Variants in ADGRB1 observed in about 807,000 individuals in gnomAD.
The protein encoded by ADGRB1 is brain-specific angiogenesis inhibitor 1.
ADGRB1 carries 36 observed loss-of-function variants against 175.7 expected under a neutral mutation model. The observed-to-expected ratio is 0.20, with a 90% confidence interval of 0.16 to 0.27. The LOEUF is 0.27. ADGRB1 is among the 10% of genes least tolerant of loss of function. ADGRB1 has a pLI of 1.00. For missense variants in ADGRB1, 1,731 were observed against 2,255.3 expected (o/e 0.77, Z 4.71); for synonymous variants, 1,054 against 979.4 (o/e 1.08, Z -1.42).
chr8:142,513,265 G>T (rs180776388), intron 18 of ADGRB1, among the ~76,000 whole-genome samples: 2 of 152,174 alleles, frequency 1.3e-5, no homozygotes, highest in Non-Finnish European at 2.9e-5. Flanking sequence ...TGGCTCTGCC[G>T]CAAGGGCAGA....
intron 1 of ADGRB1, among the ~76,000 whole-genome samples, chr8:142,454,291 G>A (rs976177035): frequency 6.6e-6 from 1 of 152,198 alleles, no homozygotes; most frequent in Admixed American, 6.5e-5. Flanking sequence ...ACACACCCCG[G>A]TGTGAGGTGC....
intron 10 of ADGRB1, 44 bp downstream of exon 10, chr8:142,481,404 C>A: frequency 6.2e-7 from 1 of 1,607,354 alleles, no homozygotes; most frequent in Non-Finnish European, 8.5e-7. Flanking sequence ...CCCCAATCAC[C>A]CTGGCCACAC....
chr8:142,476,524 C>A, intron 3 of ADGRB1, 61 bp from the exon 4 acceptor site: 1 of 1,463,624 alleles, frequency 6.8e-7, no homozygotes, highest in South Asian at 1.2e-5. Context: ...GCACTGTGGC[C>A]ACAGAGAGAG....
At chr8:142,468,223 TGTGC>T (rs963974342) in intron 2 of ADGRB1, among the ~76,000 whole-genome samples, 14 of 151,448 alleles carry the variant, frequency 9.2e-5, no homozygotes, top group Non-Finnish European at 1.8e-4. Context: ...TGTGTGTGTG[TGTGC>T]GTGTGCAGTA....
intron 17 of ADGRB1, among the ~76,000 whole-genome samples, chr8:142,505,089 C>T (rs905429533): frequency 6.6e-6 from 1 of 152,084 alleles, no homozygotes; most frequent in Non-Finnish European, 1.5e-5. Context: ...GCTCTTAGAG[C>T]GCCCTCCCCG....
At chr8:142,528,700 G>A (rs1482008839) in intron 24 of ADGRB1, among the ~76,000 whole-genome samples, 1 of 152,088 alleles carries the variant, frequency 6.6e-6, no homozygotes, top group African/African-American at 2.4e-5. Context: ...TCCGCGCTCT[G>A]AGTCACCTTC....
intron 1 of ADGRB1, among the ~76,000 whole-genome samples, chr8:142,463,105 C>G (rs984611183): frequency 7.2e-5 from 11 of 152,198 alleles, no homozygotes; most frequent in African/African-American, 2.7e-4. Flanking sequence ...TCTCAGTTTT[C>G]CCATCATGAA....
chr8:142,465,525 A>G (rs1840228381), intron 2 of ADGRB1, among the ~76,000 whole-genome samples: 1 of 151,766 alleles, frequency 6.6e-6, no homozygotes, highest in Non-Finnish European at 1.5e-5. Flanking sequence ...CGGGTTGAGT[A>G]TGCTCTCGGT....
chr8:142,469,674 CGTGAATGTGT>C (rs1230404359), intron 2 of ADGRB1, among the ~76,000 whole-genome samples: 3 of 147,344 alleles, frequency 2.0e-5, no homozygotes, highest in Non-Finnish European at 3.0e-5. Context: ...TGTGTGTGCA[CGTGAATGTGT>C]GTGAATGTGT....
chr8:142,451,683 C>A (rs1839359340), intron 1 of ADGRB1, among the ~76,000 whole-genome samples: 1 of 152,142 alleles, frequency 6.6e-6, no homozygotes, highest in African/African-American at 2.4e-5. Context: ...GGAGCGAGAG[C>A]CGCCGCGGGG....
chr8:142,460,003 C>T (rs966422371), intron 1 of ADGRB1, among the ~76,000 whole-genome samples: 1 of 152,262 alleles, frequency 6.6e-6, no homozygotes, highest in Non-Finnish European at 1.5e-5. Flanking sequence ...ACGCCCCACC[C>T]CATCTCAGCT....
At chr8:142,506,724 A>G (rs1482999420) in intron 17 of ADGRB1, among the ~76,000 whole-genome samples, 1 of 152,134 alleles carries the variant, frequency 6.6e-6, no homozygotes, top group Non-Finnish European at 1.5e-5. Flanking sequence ...TGCGTCCCAG[A>G]GATTTTGTTG....
chr8:142,527,938 C>T (rs567523122), intron 24 of ADGRB1, among the ~76,000 whole-genome samples: 2 of 152,340 alleles, frequency 1.3e-5, no homozygotes, highest in East Asian at 1.9e-4. Context: ...TAGAACTAAG[C>T]CCAGGCGGCC....
rs547343615 is a variant in ADGRB1 at position 142,488,134 on chromosome 8, G to A, written c.2309-230G>A. On this transcript the variant is annotated intron_variant, in intron 13 of 30. Coordinates refer to ENST00000517894, the MANE Select transcript of ADGRB1 (RefSeq NM_001702.3). ...GCTCCAATTCAGCAGGACCAGGACC[G>A]GCCCAGCCTCTGCCTGGTGCTCCTT... Among the ~76,000 whole-genome samples the A allele has an allele frequency of 4.6e-5, 7 of 152,304 alleles. No individual in the cohort carries two copies. In the South Asian group the frequency reaches 8.3e-4, roughly 18 times the overall value.
At chr8:142,544,165 G>T (rs1352327434) in intron 30 of ADGRB1, 55 bp from the exon 31 acceptor site, 17 of 1,530,580 alleles carry the variant, frequency 1.1e-5, no homozygotes, top group Non-Finnish European at 8.8e-7. Context: ...TACTCCTCGG[G>T]CTCATGGCTC....
rs1821886491 is a variant in ADGRB1 at position 142,474,198 on chromosome 8, G to A, written c.785-1276G>A. Among the ~76,000 whole-genome samples, 1 of 152,120 alleles carries A rather than the reference G, an allele frequency of 6.6e-6. No individual in the cohort carries two copies. Among genetic ancestry groups the A allele is most frequent in the African/African-American group, 2.4e-5 (1 of 41,422 alleles). ...GGGCCCCTTTCCTGAGGCTCCAAGAGGCCCTGGGGCCCTTCTGGTGGGTCG... is the reference window on the plus strand; with the variant it reads ...GGGCCCCTTTCCTGAGGCTCCAAGAAGCCCTGGGGCCCTTCTGGTGGGTCG... On this transcript the variant is annotated intron_variant, in intron 2 of 30. Transcript: ENST00000517894. This position sits in a 1 kb window ranked among gnomAD's most constrained non-coding sequence, Gnocchi z 5.8.
intron 1 of ADGRB1, among the ~76,000 whole-genome samples, chr8:142,458,560 C>T (rs1050420662): frequency 5.9e-5 from 9 of 152,158 alleles, no homozygotes; most frequent in East Asian, 3.9e-4. Context: ...CTCTGCTTCC[C>T]GGCCCAGCGT....
At chr8:142,497,927 A>C (rs1326053948) in intron 17 of ADGRB1, among the ~76,000 whole-genome samples, 1 of 152,124 alleles carries the variant, frequency 6.6e-6, no homozygotes, top group Non-Finnish European at 1.5e-5. Context: ...CTGAACTTCG[A>C]GTGGGCTAGC....
intron 2 of ADGRB1, among the ~76,000 whole-genome samples, chr8:142,473,827 C>G (rs371058684): frequency 6.6e-6 from 1 of 152,228 alleles, no homozygotes; most frequent in Non-Finnish European, 1.5e-5. Context: ...AAGTCCCTCT[C>G]CTGGGTCTCA....
Sources: allele counts gnomAD v4.1 joint callset (sites outside exome capture counted in the v4.1 genomes callset), GRCh38; gene constraint gnomAD v4.1.1; non-coding constraint Gnocchi (gnomAD v3.1); transcripts MANE v1.5; gene names NCBI Gene and HGNC (gene_info 2026-07-23, HGNC 2026-07-21).